ARHGEF4: variants seen among roughly 807,000 people sequenced by gnomAD.
ARHGEF4 encodes the protein Rho guanine nucleotide exchange factor 4.
In ARHGEF4, 119 loss-of-function variants were observed where a neutral mutation model predicts 162.0. The ratio of observed to expected loss-of-function variants is 0.73; its 90% CI spans 0.63 to 0.86. The LOEUF (loss-of-function observed/expected upper bound fraction) is 0.86. ARHGEF4 is among the 40% of genes least tolerant of loss of function. The pLI, the probability that ARHGEF4 is intolerant of heterozygous loss-of-function variation, is 0.00. For missense variants in ARHGEF4, 2,488 were observed against 2,456.0 expected (o/e 1.01, Z -0.28); for synonymous variants, 1,014 against 979.9 (o/e 1.03, Z -0.65).
chr2:130,888,997 C>T (rs1473812290), intron 1 of ARHGEF4, among the ~76,000 whole-genome samples: 4 of 151,222 alleles, frequency 2.6e-5, no homozygotes, highest in African/African-American at 7.3e-5. Context: ...CCCAGCTACT[C>T]GGGAGGCTGA....
intron 4 of ARHGEF4, among the ~76,000 whole-genome samples, chr2:130,987,018 C>T (rs1686556387): frequency 6.6e-6 from 1 of 152,222 alleles, no homozygotes; most frequent in African/African-American, 2.4e-5. Flanking sequence ...TCTGTGCATC[C>T]CCCCGTGGTC....
At chr2:130,976,296 C>T (rs1030042165) in intron 4 of ARHGEF4, among the ~76,000 whole-genome samples, 1 of 151,918 alleles carries the variant, frequency 6.6e-6, no homozygotes, top group African/African-American at 2.4e-5. Context: ...TTCCTGTTTG[C>T]ATCTAGAGCT....
intron 12 of ARHGEF4, among the ~76,000 whole-genome samples, chr2:131,044,761 A>G (rs921170301): frequency 6.6e-6 from 1 of 152,260 alleles, no homozygotes; most frequent in East Asian, 1.9e-4. Context: ...ACAGTTTCGC[A>G]GAGTTCAGCC....
intron 4 of ARHGEF4, among the ~76,000 whole-genome samples, chr2:130,977,188 TGTG>T (rs1200216953): frequency 1.3e-5 from 2 of 151,716 alleles, no homozygotes; most frequent in African/African-American, 4.8e-5. Flanking sequence ...GTGTTGTGTT[TGTG>T]GTGTGATATG....
chr2:130,900,678 C>G (rs1381561267), intron 1 of ARHGEF4, among the ~76,000 whole-genome samples: 2 of 152,140 alleles, frequency 1.3e-5, no homozygotes, highest in African/African-American at 4.8e-5. Flanking sequence ...TGGTTCTTCT[C>G]AGTGTTGGGA....
chr2:130,989,857 TCA>T (rs1686824317), intron 4 of ARHGEF4, among the ~76,000 whole-genome samples: 1 of 152,366 alleles, frequency 6.6e-6, no homozygotes, highest in African/African-American at 2.4e-5. Context: ...CTGAGTTTTC[TCA>T]CCTCTAAAAT....
At chr2:130,871,596 TAC>T (rs10585458) in intron 1 of ARHGEF4, among the ~76,000 whole-genome samples, 49,210 of 149,358 alleles carry the variant, frequency 0.33, 10,967 homozygotes, top group African/African-American at 0.62. Context: ...TATATATGCA[TAC>T]ACACACACAC....
At chr2:130,935,989 C>T (rs1345894171) in intron 3 of ARHGEF4, among the ~76,000 whole-genome samples, 2 of 152,070 alleles carry the variant, frequency 1.3e-5, no homozygotes, top group Non-Finnish European at 2.9e-5. Context: ...TGCTTGAAAC[C>T]GGGAGGCAGA....
intron 4 of ARHGEF4, among the ~76,000 whole-genome samples, chr2:130,988,899 T>G (rs765067206): frequency 0.19 from 21,176 of 112,126 alleles, 1,958 homozygotes; most frequent in African/African-American, 0.24. Context: ...TATATATATA[T>G]ATAGAGAGAG....
Position 130,916,080 on chromosome 2 carries a change from G to C in ARHGEF4, c.2134G>C (p.Glu712Gln), listed in dbSNP as rs1183721714. The C allele has an allele frequency of 2.0e-5, 31 of 1,550,190 alleles. No individual in the cohort carries two copies. Among genetic ancestry groups the C allele is most frequent in the Non-Finnish European group, 2.4e-5 (28 of 1,146,956 alleles). ...GALQRVAQAAELGRVLVPQAA... is the reference protein window; with the variant it reads ...GALQRVAQAAQLGRVLVPQAA... Reference sequence around the variant, plus strand: ...TCTTCAGCGGGTGGCCCAGGCCGCAGAGCTTGGGAGAGTGCTGGTCCCCCA... The same window carrying C: ...TCTTCAGCGGGTGGCCCAGGCCGCACAGCTTGGGAGAGTGCTGGTCCCCCA... Residue 712 changes from glutamate (E) to glutamine (Q), a missense_variant, in exon 2 of 14, where the codon GAG becomes CAG. By Grantham distance (29) the Glu-to-Gln change is conservative (BLOSUM62 2). Transcript: ENST00000409359.
At chr2:130,893,308 C>T (rs1030387268) in intron 1 of ARHGEF4, among the ~76,000 whole-genome samples, 1 of 152,228 alleles carries the variant, frequency 6.6e-6, no homozygotes, top group Non-Finnish European at 1.5e-5. Flanking sequence ...CTGTGTTACT[C>T]TCTGCCTCCT....
chr2:130,847,608 G>A (rs1681078560), intron 1 of ARHGEF4, among the ~76,000 whole-genome samples: 1 of 152,196 alleles, frequency 6.6e-6, no homozygotes, highest in Admixed American at 6.5e-5. Flanking sequence ...TGTGGCCCCA[G>A]CTGCTTTTCC....
intron 1 of ARHGEF4, among the ~76,000 whole-genome samples, chr2:130,902,942 G>A (rs1015525173): frequency 1.3e-5 from 2 of 152,160 alleles, no homozygotes; most frequent in South Asian, 2.1e-4. Flanking sequence ...TCTTTTTTCA[G>A]TGTCTTATCT....
chr2:130,887,553 CT>C (rs572597909), intron 1 of ARHGEF4, among the ~76,000 whole-genome samples: 2 of 152,060 alleles, frequency 1.3e-5, no homozygotes, highest in Non-Finnish European at 2.9e-5. Flanking sequence ...ATGATACCGA[CT>C]TTTTTTCATT....
At chr2:130,884,627 T>C (rs35180826) in intron 1 of ARHGEF4, among the ~76,000 whole-genome samples, 41,521 of 151,984 alleles carry the variant, frequency 0.27, 7,536 homozygotes, top group African/African-American at 0.5. Flanking sequence ...GTTCTGAGCG[T>C]TCATCCTCTG....
intron 1 of ARHGEF4, among the ~76,000 whole-genome samples, chr2:130,848,548 C>T (rs111640576): frequency 1.3e-5 from 2 of 152,298 alleles, no homozygotes; most frequent in African/African-American, 2.4e-5. Flanking sequence ...GCACCTCCTG[C>T]GTGGCATTCC....
chr2:130,933,286 A>C (rs1305863852), intron 3 of ARHGEF4, among the ~76,000 whole-genome samples: 2 of 151,894 alleles, frequency 1.3e-5, no homozygotes, highest in Admixed American at 1.3e-4. Flanking sequence ...TATCCTATTA[A>C]CTTATATGTC....
chr2:130,924,036 AC>A (rs1173011044), intron 2 of ARHGEF4, among the ~76,000 whole-genome samples: 1 of 151,196 alleles, frequency 6.6e-6, no homozygotes, highest in Non-Finnish European at 1.5e-5. Flanking sequence ...ACCCGCCAAC[AC>A]ACTCGGCTAA....
At chr2:130,877,616 A>G (rs777817673) in intron 1 of ARHGEF4, among the ~76,000 whole-genome samples, 2 of 152,128 alleles carry the variant, frequency 1.3e-5, no homozygotes, top group African/African-American at 2.4e-5. Flanking sequence ...CACCACTGCA[A>G]TGCAGCCTGG....
Sources: gnomAD v4.1 joint callset for allele counts (sites outside exome capture counted in the v4.1 genomes callset) on GRCh38, gnomAD v4.1.1 for gene constraint, MANE v1.5 for transcripts, NCBI Gene and HGNC (gene_info 2026-07-23, HGNC 2026-07-21) for gene names.